The following AP1G1 variants were observed in gnomAD, a reference collection of about 807,000 sequenced individuals.
AP1G1 encodes AP-1 complex subunit gamma-1.
A neutral mutation model predicts 108.3 loss-of-function variants in AP1G1; 7 were observed. The observed-to-expected ratio is 0.06, with a 90% CI of 0.04 to 0.12. The LOEUF (loss-of-function observed/expected upper bound fraction) is 0.12, where lower values mean the gene tolerates loss of function less well. Among genes scored for constraint, AP1G1 ranks in the 10% least tolerant of loss-of-function variants. AP1G1 has a pLI of 1.00. For missense variants in AP1G1, 756 were observed against 1,010.7 expected, an observed-to-expected ratio of 0.75 and a Z score of 3.42; for synonymous variants, 379 against 353.5, an observed-to-expected ratio of 1.07 and a Z score of -0.81.
intron 1 of AP1G1, among the ~76,000 whole-genome samples, chr16:71,794,975 A>C (rs1337393196): frequency 6.6e-6 from 1 of 150,838 alleles, no homozygotes; most frequent in South Asian, 2.1e-4. Context: ...GATAAATACT[A>C]TATTTATTAA....
At chr16:71,747,811 TTC>T (rs2030263723) in intron 16 of AP1G1, among the ~76,000 whole-genome samples, 1 of 151,134 alleles carries the variant, frequency 6.6e-6, no homozygotes, top group Non-Finnish European at 1.5e-5. Flanking sequence ...ACGAAACACT[TTC>T]TCTACAAAAA....
At chr16:71,749,843 A>G (rs1424474692) in intron 15 of AP1G1, 51 bp downstream of exon 15, 1 of 1,472,130 alleles carries the variant, frequency 6.8e-7, no homozygotes, top group South Asian at 1.1e-5. Flanking sequence ...CTACTCTCCT[A>G]TAACCAAAAC....
chr16:71,762,061 A>G (rs1247986261), intron 9 of AP1G1, among the ~76,000 whole-genome samples: 4 of 152,138 alleles, frequency 2.6e-5, no homozygotes, highest in Non-Finnish European at 5.9e-5. Context: ...CATATAGACA[A>G]AAGTCTACTG....
chr16:71,749,972 T>C lies in AP1G1; in HGVS notation c.1419A>G (p.Val473=), dbSNP rs1315641566. 6.2e-7 allele frequency: 1 copy of C among 1,612,784 alleles called. No individual in the cohort carries two copies. Among genetic ancestry groups the C allele is most frequent in the Admixed American group, 1.7e-5 (1 of 60,018 alleles). ...ILGDYSQQPL[V]QVAAWCIGEY... The stretch of plus-strand genomic sequence containing the variant: ...CACCTATACACCATGCAGCCACTTG[T>C]ACCAAAGGTTGCTGTGAAAAGAAAA... Residue 473 remains valine (V), a synonymous_variant, in exon 15 of 23, where the codon GTA becomes GTG. Coordinates refer to ENST00000299980, the MANE Select transcript of AP1G1 (RefSeq NM_001128.6).
At chr16:71,776,780 G>C (rs2031794160) in intron 2 of AP1G1, among the ~76,000 whole-genome samples, 1 of 151,710 alleles carries the variant, frequency 6.6e-6, no homozygotes, top group East Asian at 1.9e-4. Flanking sequence ...TTTTTGTTTT[G>C]GTTTTTTTTG....
intron 1 of AP1G1, among the ~76,000 whole-genome samples, chr16:71,794,437 C>T (rs2032508164): frequency 6.6e-6 from 1 of 151,842 alleles, no homozygotes; most frequent in South Asian, 2.1e-4. Flanking sequence ...GGAAAGCGAA[C>T]ACAAAAATAT....
At position 71,745,480 on chromosome 16, in the gene AP1G1, G is replaced by A; in HGVS notation, c.1865C>T (p.Thr622Ile). ...AAGTGAAAGGCTGGCTACCTGGCTG[G>A]TGGGCTGTGGCCCAGAGGGTGGCGG... ...TKPPPSGPQP[T>I]SQANDLLDLL... is the part of the protein sequence containing the mutation. The change falls in exon 18 of 23, where the codon ACC becomes ATC. Residue 622 changes from threonine to isoleucine, a missense_variant. This residue lies in a region of AP1G1 where 357 missense variants were observed against 366.5 expected (regional missense o/e 0.97). Transcript: ENST00000299980. 1.9e-6 allele frequency: 3 copies of A among 1,614,172 alleles called. No individual in the cohort carries two copies. Among genetic ancestry groups the A allele is most frequent in the Non-Finnish European group, 1.7e-6 (2 of 1,180,034 alleles).
At chr16:71,806,602 A>G (rs760750026) in intron 1 of AP1G1, 59 of 838,184 alleles carry the variant, frequency 7.0e-5, no homozygotes, top group Non-Finnish European at 9.5e-5. Context: ...ACTAACATCT[A>G]TGTGATAGCT....
In AP1G1 at chr16:71,761,675, A is replaced by G. The variant is rs142639197; in HGVS notation, c.919-108T>C. The G allele has an allele frequency of 3.1e-3, 798 of 258,632 alleles. 11 individuals are homozygous for G. The highest frequency in any genetic ancestry group is 0.016 in the African/African-American group (709 of 43,170). The allele number at this position is 258,632 out of a possible 1,614,324, so 16.0% of individuals were successfully genotyped here. A position where few individuals can be genotyped will look rare whatever the true frequency, so the allele number is the denominator to read the frequency against. On this transcript the variant is annotated intron_variant, in intron 9 of 22. Transcript: ENST00000299980. ...CTCTGGTGCTTCACAGACTGCTAGC[A>G]AAAAAAAAAAGGAGCTGGGTGCGGT...
In AP1G1 at chr16:71,753,726, A is replaced by AC; in HGVS notation, c.1284+106dup. On this transcript the variant is annotated intron_variant, in intron 13 of 22. Transcript: ENST00000299980. ...TTTATTCCTAACTGACATTAATGTTACCTATTTACTTGTGAATTTCTTACC... is the reference window on the plus strand; with the variant it reads ...TTTATTCCTAACTGACATTAATGTTACCCTATTTACTTGTGAATTTCTTACC... The AC allele has an allele frequency of 3.2e-6, 3 of 924,660 alleles. No individual in the cohort carries two copies. In the South Asian group the frequency reaches 4.4e-5, roughly 13 times the overall value. The allele number at this position is 924,660 out of a possible 1,614,324, so 57.3% of individuals were successfully genotyped here. A position where few individuals can be genotyped will look rare whatever the true frequency, so the allele number is the denominator to read the frequency against.
At chr16:71,775,057 G>A (rs1412742491) in intron 2 of AP1G1, among the ~76,000 whole-genome samples, 1 of 87,582 alleles carries the variant, frequency 1.1e-5, no homozygotes, top group African/African-American at 4.7e-5. Flanking sequence ...TGGGGTTTTT[G>A]CTCTTGTCGC....
Position 71,734,702 on chromosome 16 carries a change from G to C in AP1G1, c.2274C>G (p.Phe758Leu). The C allele has an allele frequency of 1.2e-6, 2 of 1,613,190 alleles. No homozygotes were observed. Among genetic ancestry groups the C allele is most frequent in the East Asian group, 2.2e-5 (1 of 44,886 alleles). Residue 758 changes from phenylalanine to leucine, a missense_variant, in exon 22 of 23, where the codon TTC becomes TTG. Phe to Leu is a conservative substitution (Grantham distance 22). Coordinates refer to ENST00000299980, the MANE Select transcript of AP1G1 (RefSeq NM_001128.6). ...FVFQAAVPKT[F>L]QLQLLSPSSS... The stretch of plus-strand genomic sequence containing the variant: ...TGCTAGGAGACAAGAGCTGCAGCTG[G>C]AATGTCTAGGGGGGAACAAAGGGCA...
chr16:71,760,446 G>A (rs2031028310), intron 10 of AP1G1, among the ~76,000 whole-genome samples: 1 of 151,602 alleles, frequency 6.6e-6, no homozygotes, highest in African/African-American at 2.4e-5. Context: ...TCGGGAGGGT[G>A]AGGCAAGAGA....
chr16:71,807,650 T>C, intron 1 of AP1G1: 1 of 456,964 alleles, frequency 2.2e-6, no homozygotes, highest in East Asian at 7.5e-5. Flanking sequence ...AAAAACCCAA[T>C]ACATGAAATC....
intron 3 of AP1G1, 87 bp downstream of exon 3, chr16:71,774,381 G>T: frequency 3.4e-6 from 5 of 1,464,196 alleles, no homozygotes; most frequent in Non-Finnish European, 4.6e-6. Context: ...TCCAGCCTGG[G>T]CAAAAGAGCA....
chr16:71,788,384 T>C (rs894113167), intron 2 of AP1G1, among the ~76,000 whole-genome samples: 4 of 152,302 alleles, frequency 2.6e-5, no homozygotes, highest in Admixed American at 2.6e-4. Flanking sequence ...ATCCCACTTA[T>C]GACAATATAA....
chr16:71,797,517 A>G (rs557370191), intron 1 of AP1G1, among the ~76,000 whole-genome samples: 1 of 152,196 alleles, frequency 6.6e-6, no homozygotes, highest in East Asian at 1.9e-4. Flanking sequence ...GTTACTTAAT[A>G]TAGCCGGAGA....
chr16:71,768,340 T>C (rs897697624), intron 6 of AP1G1, among the ~76,000 whole-genome samples: 1 of 147,320 alleles, frequency 6.8e-6, no homozygotes, highest in African/African-American at 2.5e-5. Flanking sequence ...CTACTAAAAA[T>C]ACAAAACAAA....
intron 1 of AP1G1, among the ~76,000 whole-genome samples, chr16:71,790,878 C>G (rs2032373582): frequency 6.6e-6 from 1 of 152,096 alleles, no homozygotes. Context: ...AATAACTGTA[C>G]CCTATCAAAG....
Sources: allele counts gnomAD v4.1 joint callset (sites outside exome capture counted in the v4.1 genomes callset), GRCh38; gene constraint gnomAD v4.1.1; regional missense constraint gnomAD v4.1.1; transcripts MANE v1.5; gene names NCBI Gene and HGNC (gene_info 2026-07-23, HGNC 2026-07-21).